Variants in GRIA3 observed in about 807,000 individuals in gnomAD.
The protein encoded by GRIA3 is glutamate ionotropic receptor AMPA type subunit 3, also known as glutamate receptor 3.
Under a neutral mutation model 63.0 loss-of-function variants are expected in GRIA3, and 3 were observed. The ratio of observed to expected loss-of-function variants is 0.05; its 90% confidence interval spans 0.02 to 0.12. GRIA3 has a LOEUF of 0.12. GRIA3 is among the 10% of genes least tolerant of loss of function. GRIA3 has a pLI of 1.00. For missense variants in GRIA3, 347 were observed against 700.9 expected, an observed-to-expected ratio of 0.50 and a Z score of 5.70; for synonymous variants, 274 against 257.9, an observed-to-expected ratio of 1.06 and a Z score of -0.60.
intron 7 of GRIA3, among the ~76,000 whole-genome samples, chrX:123,400,346 C>A (rs1365359783): frequency 9.0e-6 from 1 of 111,491 alleles, no homozygotes; most frequent in East Asian, 2.8e-4. Context: ...TCAACCAAAA[C>A]AATACATTAC....
chrX:123,395,320 A>C (rs2045407721), intron 6 of GRIA3, among the ~76,000 whole-genome samples, 191 bp downstream of exon 6: 1 of 112,453 alleles, frequency 8.9e-6, no homozygotes, highest in Non-Finnish European at 1.9e-5. Flanking sequence ...GCTGTTGAGA[A>C]TGAGATCTTT....
At position 123,394,755 on chromosome X, in the gene GRIA3, T is replaced by A. The variant is rs755787214; in HGVS notation, c.751-213T>A. 2.7e-5 allele frequency among the ~76,000 whole-genome samples: 3 copies of A among 112,496 alleles called. No individual in the cohort carries two copies. The East Asian group carries it at 8.4e-4, about 31-fold the overall frequency. ...GGCAGCCACATTACATAAAGACACA[T>A]GAACTAAAATGGAAGAATGCATATT... is the stretch of plus-strand genomic sequence containing the variant. On this transcript the variant is annotated intron_variant, in intron 5 of 15. Transcript: ENST00000620443.
At chrX:123,337,333 A>T (rs1234812003) in intron 4 of GRIA3, among the ~76,000 whole-genome samples, 1 of 112,235 alleles carries the variant, frequency 8.9e-6, no homozygotes, top group African/African-American at 3.2e-5. Context: ...GAAGAATAGT[A>T]TATTCAAGCT....
chrX:123,300,360 CTTTTTT>C (rs147031319), intron 3 of GRIA3, among the ~76,000 whole-genome samples: 1 of 22,509 alleles, frequency 4.4e-5, no homozygotes, highest in Non-Finnish European at 7.2e-5. Flanking sequence ...TGGTCCTGGG[CTTTTTT>C]TTTTTTTTTT....
chrX:123,422,465 C>T (rs1268583992), intron 11 of GRIA3, among the ~76,000 whole-genome samples: 1 of 111,666 alleles, frequency 9.0e-6, no homozygotes, highest in Non-Finnish European at 1.9e-5. Context: ...TAGGAGGAGT[C>T]GGTGGAAGGT....
chrX:123,375,707 T>C (rs185918072), intron 5 of GRIA3, among the ~76,000 whole-genome samples: 1 of 112,097 alleles, frequency 8.9e-6, no homozygotes, highest in Admixed American at 9.5e-5. Flanking sequence ...CAATATGTGA[T>C]GGAAAAGTGG....
At chrX:123,203,732 A>G (rs1410410576) in intron 2 of GRIA3, among the ~76,000 whole-genome samples, 2 of 112,140 alleles carry the variant, frequency 1.8e-5, no homozygotes, top group Non-Finnish European at 3.8e-5. Context: ...TGTTTTGTTC[A>G]GTGCGATAGC....
chrX:123,269,184 C>T (rs2044505769), intron 3 of GRIA3, among the ~76,000 whole-genome samples: 2 of 111,954 alleles, frequency 1.8e-5, no homozygotes, highest in African/African-American at 6.5e-5. Context: ...ATCAGAACAG[C>T]GGCTTTTGTG....
chrX:123,337,300 A>G (rs1281384552), intron 4 of GRIA3, among the ~76,000 whole-genome samples: 1 of 111,942 alleles, frequency 8.9e-6, no homozygotes. Flanking sequence ...TGCCTTCCGT[A>G]GTGGGATTAA....
chrX:123,365,401 A>T (rs899649390), intron 5 of GRIA3, among the ~76,000 whole-genome samples: 1 of 111,868 alleles, frequency 8.9e-6, no homozygotes, highest in Admixed American at 9.5e-5. Flanking sequence ...AGAGTGCATG[A>T]TGTGGCTAGA....
intron 2 of GRIA3, among the ~76,000 whole-genome samples, chrX:123,242,864 G>A (rs1460261463): frequency 1.8e-5 from 2 of 112,423 alleles, no homozygotes; most frequent in Non-Finnish European, 3.8e-5. Context: ...ACCCATCTCA[G>A]TGCAAACACA....
intron 15 of GRIA3, among the ~76,000 whole-genome samples, chrX:123,486,161 A>T (rs2045940667): frequency 1.2e-5 from 1 of 86,170 alleles, no homozygotes; most frequent in Non-Finnish European, 2.3e-5. Context: ...GGAAAGAAGA[A>T]AGGGAGGGAG....
At chrX:123,272,034 C>A in intron 3 of GRIA3, among the ~76,000 whole-genome samples, 1 of 111,921 alleles carries the variant, frequency 8.9e-6, no homozygotes, top group Middle Eastern at 4.6e-3. Context: ...AATCCCAAAG[C>A]CATGAATGTG....
chrX:123,204,354 T>A (rs41312596), intron 2 of GRIA3: 284,017 of 1,057,517 alleles, frequency 0.27, 30,155 homozygotes, highest in Non-Finnish European at 0.31. Flanking sequence ...ATGATGTGGC[T>A]CATCCATTCA....
chrX:123,441,924 A>C (rs2045676486), intron 12 of GRIA3, among the ~76,000 whole-genome samples: 1 of 112,334 alleles, frequency 8.9e-6, no homozygotes, highest in East Asian at 2.8e-4. Flanking sequence ...CCCACCAGCC[A>C]GATTCTTAAA....
chrX:123,200,063 G>C (rs192215115), intron 2 of GRIA3, among the ~76,000 whole-genome samples: 1 of 111,313 alleles, frequency 9.0e-6, no homozygotes, highest in Admixed American at 9.5e-5. Context: ...TTTCCACCAT[G>C]TTTTGCAGCC....
At chrX:123,300,057 T>C (rs1171798820) in intron 3 of GRIA3, among the ~76,000 whole-genome samples, 4 of 111,750 alleles carry the variant, frequency 3.6e-5, no homozygotes, top group Non-Finnish European at 7.5e-5. Flanking sequence ...TGAACCAATC[T>C]TGCATCCCAG....
intron 2 of GRIA3, among the ~76,000 whole-genome samples, chrX:123,189,844 C>A (rs994809878): frequency 1.8e-5 from 2 of 110,821 alleles, no homozygotes; most frequent in East Asian, 5.7e-4. Flanking sequence ...CCATCAGATG[C>A]AAAATTTTAT....
intron 4 of GRIA3, among the ~76,000 whole-genome samples, chrX:123,331,685 C>G (rs2044942698): frequency 8.9e-6 from 1 of 111,740 alleles, no homozygotes; most frequent in Non-Finnish European, 1.9e-5. Context: ...ATCCAAAAGA[C>G]AGTTTGGGTT....
Sources: allele counts gnomAD v4.1 joint callset (sites outside exome capture counted in the v4.1 genomes callset), GRCh38; gene constraint gnomAD v4.1.1; transcripts MANE v1.5; gene names NCBI Gene and HGNC (gene_info 2026-07-23, HGNC 2026-07-21).